The following ZNF618 variants were observed in gnomAD, a reference collection of about 807,000 sequenced individuals.
ZNF618 encodes neural precursor cell expressed, developmentally down-regulated 10.
Under a neutral mutation model 103.0 loss-of-function variants are expected in ZNF618, and 34 were observed. That is an observed-to-expected ratio of 0.33 (90% CI 0.25 to 0.44). ZNF618 has a LOEUF of 0.44. ZNF618 is among the 20% of genes least tolerant of loss of function. The pLI, the probability that ZNF618 is intolerant of heterozygous loss-of-function variation, is 1.00. For missense variants in ZNF618, 1,059 were observed against 1,295.4 expected (o/e 0.82, Z 2.80); for synonymous variants, 551 against 542.2 (o/e 1.02, Z -0.23).
chr9:114,026,148 A>G (rs920892306), intron 10 of ZNF618, among the ~76,000 whole-genome samples: 20 of 152,238 alleles, frequency 1.3e-4, no homozygotes, highest in Admixed American at 3.3e-4. Context: ...GTGTAGGACC[A>G]ACAGTCAAAA....
At position 113,951,558 on chromosome 9, in the gene ZNF618, T is replaced by TACACAC. The variant is rs754177181; in HGVS notation, c.34-17559_34-17558insACACAC. Among the ~76,000 whole-genome samples the TACACAC allele has an allele frequency of 1.5e-3, 82 of 54,412 alleles. 1 individual carries two copies. Among genetic ancestry groups the TACACAC allele is most frequent in the African/African-American group, 3.7e-3 (74 of 20,252 alleles). The allele number at this position is 54,412 out of a possible 152,430, so 35.7% of individuals were successfully genotyped here. A position where few individuals can be genotyped will look rare whatever the true frequency, so the allele number is the denominator to read the frequency against. On this transcript the variant is annotated intron_variant, in intron 1 of 14. Transcript: ENST00000374126. Reference sequence around the variant, plus strand: ...GTGTACATATGTACACATATGTGTGTGTATATGTGTGTGTGTATATGTGTG... The same window carrying TACACAC: ...GTGTACATATGTACACATATGTGTGTACACACGTATATGTGTGTGTGTATATGTGTG...
chr9:114,027,516 A>C (rs1588392510), intron 10 of ZNF618, among the ~76,000 whole-genome samples: 1 of 152,380 alleles, frequency 6.6e-6, no homozygotes, highest in South Asian at 2.1e-4. Context: ...ATGAAGGACC[A>C]TAGAGTGGCT....
rs1190519429 is a variant in ZNF618 at position 114,001,988 on chromosome 9, T to C, written c.434-8T>C. 3.1e-6 allele frequency: 5 copies of C among 1,613,416 alleles called. No homozygotes were observed. The highest frequency in any genetic ancestry group is 1.3e-5 in the African/African-American group (1 of 74,890). ...GGGTGACCAGTCCTTTCCTCTTCTG[T>C]TTTCCAGGGTCTTACGAATGCGGAA... On this transcript the variant is annotated splice_polypyrimidine_tract_variant and splice_region_variant and intron_variant, in intron 4 of 14. Transcript: ENST00000374126.
At chr9:113,996,677 G>C (rs1035275642) in intron 3 of ZNF618, among the ~76,000 whole-genome samples, 6 of 152,192 alleles carry the variant, frequency 3.9e-5, no homozygotes, top group African/African-American at 1.2e-4. Flanking sequence ...ATGGGAAGAG[G>C]AAAAGTCCGC....
At chr9:113,995,388 G>A (rs189611007) in intron 3 of ZNF618, among the ~76,000 whole-genome samples, 17 of 152,214 alleles carry the variant, frequency 1.1e-4, no homozygotes, top group African/African-American at 4.1e-4. Context: ...TATTGAAAAT[G>A]CATCTCTTAA....
intron 2 of ZNF618, among the ~76,000 whole-genome samples, chr9:113,980,715 G>A (rs1838896410): frequency 6.6e-6 from 1 of 152,220 alleles, no homozygotes; most frequent in Non-Finnish European, 1.5e-5. Flanking sequence ...CAGCACAAGA[G>A]ATAAGAATGT....
chr9:114,045,191 G>T (rs1423928427), intron 13 of ZNF618, among the ~76,000 whole-genome samples: 4 of 152,014 alleles, frequency 2.6e-5, no homozygotes, highest in Admixed American at 6.6e-5. Context: ...TTCAAAGTAT[G>T]AAAGTTTTTA....
rs532046811 is a variant in ZNF618 at position 114,036,403 on chromosome 9, C to G, written c.1246+26C>G. ...GTAAGTAGGATACGGCTTCTCTCCC[C>G]CTCTCCTTCCTCAGTTCCTGCAAAT... is the stretch of plus-strand genomic sequence containing the variant. On this transcript the variant is annotated intron_variant, in intron 13 of 14. Transcript: ENST00000374126. The G allele has an allele frequency of 3.9e-6, 6 of 1,555,596 alleles. No individual in the cohort carries two copies. In the South Asian group the frequency reaches 7.1e-5, roughly 18 times the overall value.
intron 10 of ZNF618, among the ~76,000 whole-genome samples, chr9:114,024,430 G>C (rs541662356): frequency 6.6e-6 from 1 of 152,302 alleles, no homozygotes; most frequent in South Asian, 2.1e-4. Context: ...TGCATCCTGG[G>C]AATGCTGTGT....
At position 114,008,384 on chromosome 9, in the gene ZNF618, G is replaced by A; in HGVS notation, c.676+5G>A. On this transcript the variant is annotated splice_donor_5th_base_variant and intron_variant, in intron 8 of 14. Transcript: ENST00000374126. ...GGGCCCCTGAGAACCGGGCAGGTAA[G>A]TCCTTGGTGTCTGCTTGTCACCTCC... 3 of 1,614,036 alleles carry A rather than the reference G, an allele frequency of 1.9e-6. No homozygotes were observed. The highest frequency in any genetic ancestry group is 2.5e-6 in the Non-Finnish European group (3 of 1,179,878).
intron 1 of ZNF618, among the ~76,000 whole-genome samples, chr9:113,901,782 G>T (rs1484650748): frequency 6.6e-6 from 1 of 152,122 alleles, no homozygotes; most frequent in Non-Finnish European, 1.5e-5. Flanking sequence ...CTCTCCTGCT[G>T]CCTCCTTGGT....
At chr9:114,046,828 T>G (rs1321026460) in intron 13 of ZNF618, among the ~76,000 whole-genome samples, 1 of 152,232 alleles carries the variant, frequency 6.6e-6, no homozygotes, top group Non-Finnish European at 1.5e-5. Context: ...TCTATTAGCG[T>G]GGTGTATTAC....
At chr9:113,977,674 T>C (rs1838605541) in intron 2 of ZNF618, among the ~76,000 whole-genome samples, 2 of 152,180 alleles carry the variant, frequency 1.3e-5, no homozygotes, top group Admixed American at 6.5e-5. Flanking sequence ...GCCAGACCCA[T>C]TGGTAAACGA....
chr9:113,923,051 T>G (rs1832787381), intron 1 of ZNF618, among the ~76,000 whole-genome samples: 1 of 152,220 alleles, frequency 6.6e-6, no homozygotes, highest in South Asian at 2.1e-4. Flanking sequence ...GTTTTTATTT[T>G]TTTGGCACTA....
intron 9 of ZNF618, among the ~76,000 whole-genome samples, chr9:114,015,154 A>G (rs1842555029): frequency 6.6e-6 from 1 of 152,218 alleles, no homozygotes; most frequent in Admixed American, 6.5e-5. Flanking sequence ...AATCAGTTAC[A>G]AAAATTATTT....
chr9:113,994,928 TAAA>T (rs77497554), intron 3 of ZNF618, among the ~76,000 whole-genome samples: 2 of 139,616 alleles, frequency 1.4e-5, no homozygotes, highest in African/African-American at 2.6e-5. Flanking sequence ...GGATATTGTG[TAAA>T]AAAAAAAAAA....
Position 114,049,228 on chromosome 9 carries a change from G to A in ZNF618, c.1926G>A (p.Ser642=), listed in dbSNP as rs201846984. ...GCTGCTCAGCCTGTGCCTTGAACTC[G>A]GTGGTGCAGAGCGTGCTGAGCAAGC... ...CLRCSACALN[S]VVQSVLSKRT... Residue 642 remains serine, a synonymous_variant, in exon 15 of 15, where the codon TCG becomes TCA. Transcript: ENST00000374126. 6.8e-6 allele frequency: 11 copies of A among 1,613,420 alleles called. No homozygotes were observed. In the East Asian group the frequency reaches 1.8e-4, roughly 26 times the overall value.
At chr9:113,927,744 G>T (rs1833232030) in intron 1 of ZNF618, among the ~76,000 whole-genome samples, 1 of 152,162 alleles carries the variant, frequency 6.6e-6, no homozygotes, top group African/African-American at 2.4e-5. Context: ...AGTTTCCCTT[G>T]AGGGCAGGCT....
intron 1 of ZNF618, among the ~76,000 whole-genome samples, chr9:113,936,316 C>T (rs1444627143): frequency 6.6e-6 from 1 of 152,258 alleles, no homozygotes; most frequent in Non-Finnish European, 1.5e-5. Context: ...AAAAAAGCTA[C>T]TCCCTGATGG....
Sources: allele counts gnomAD v4.1 joint callset (sites outside exome capture counted in the v4.1 genomes callset), GRCh38; gene constraint gnomAD v4.1.1; transcripts MANE v1.5; gene names NCBI Gene and HGNC (gene_info 2026-07-23, HGNC 2026-07-21).